Variants in KSR2 observed in about 807,000 individuals in gnomAD.
The protein encoded by KSR2 is kinase suppressor of ras 2.
A neutral mutation model predicts 107.8 loss-of-function variants in KSR2; 25 were observed. That is an observed-to-expected ratio of 0.23 (90% CI 0.17 to 0.32). The LOEUF is 0.32. Among genes scored for constraint, KSR2 ranks in the 10% least tolerant of loss-of-function variants. The pLI is 1.00. For missense variants in KSR2, 887 were observed against 1,268.9 expected (o/e 0.70, Z 4.57); for synonymous variants, 480 against 507.0 (o/e 0.95, Z 0.71).
At chr12:117,721,613 C>T (rs867381289) in intron 4 of KSR2, among the ~76,000 whole-genome samples, 9 of 152,184 alleles carry the variant, frequency 5.9e-5, no homozygotes, top group African/African-American at 1.7e-4. Context: ...CACTTCCCAA[C>T]GACCACTGCT....
intron 3 of KSR2, among the ~76,000 whole-genome samples, chr12:117,822,411 C>T (rs1413418085): frequency 6.6e-6 from 1 of 152,096 alleles, no homozygotes; most frequent in Admixed American, 6.6e-5. Context: ...AATAAACACA[C>T]AAATAAATGC....
In KSR2 at chr12:117,582,334, G is replaced by T. The variant is rs566868219; in HGVS notation, c.1197C>A (p.Ser399=). The T allele has an allele frequency of 6.8e-6, 11 of 1,613,802 alleles. No individual in the cohort carries two copies. In the African/African-American group the frequency reaches 1.1e-4, roughly 16 times the overall value. Residue 399 remains serine (S), a synonymous_variant, in exon 6 of 20, where the codon TCC becomes TCA. Transcript: ENST00000339824. The part of the protein sequence containing the change: ...SANTLSVPRW[S]PQIPRRDLGN... ...CGAGATCTCTGCGAGGGATCTGCGG[G>T]GACCAGCGTGGCACTGACAGTGTGT... is the stretch of plus-strand genomic sequence containing the variant.
In KSR2 at chr12:117,828,859, G is replaced by A. The variant is rs1217407269; in HGVS notation, c.472+26569C>T. ...CATCTGTGTCCCACTGTGAAAACAA[G>A]AACCATGCCTTGGAGAAGTCTAGTG... On this transcript the variant is annotated intron_variant, in intron 3 of 19. Transcript: ENST00000339824. Among the ~76,000 whole-genome samples, 3 of 152,174 alleles carry A rather than the reference G, an allele frequency of 2.0e-5. No homozygotes were observed. The East Asian group carries it at 5.8e-4, about 29-fold the overall frequency.
At chr12:117,506,097 T>C (rs1873660883) in intron 14 of KSR2, among the ~76,000 whole-genome samples, 1 of 152,202 alleles carries the variant, frequency 6.6e-6, no homozygotes, top group Non-Finnish European at 1.5e-5. Context: ...AATGAATGGA[T>C]ACACAAATTA....
chr12:117,588,601 A>C (rs1233682346), intron 5 of KSR2, among the ~76,000 whole-genome samples: 1 of 152,238 alleles, frequency 6.6e-6, no homozygotes, highest in Non-Finnish European at 1.5e-5. Context: ...TTTTCCGATT[A>C]ATGAGAAACT....
chr12:117,507,955 C>T (rs1004152029), intron 14 of KSR2, among the ~76,000 whole-genome samples: 1 of 152,124 alleles, frequency 6.6e-6, no homozygotes, highest in Non-Finnish European at 1.5e-5. Context: ...CATTTATCAT[C>T]ACCTCCCAGG....
At chr12:117,949,782 T>C (rs1022642472) in intron 1 of KSR2, among the ~76,000 whole-genome samples, 28 of 152,216 alleles carry the variant, frequency 1.8e-4, no homozygotes, top group Admixed American at 5.2e-4. Context: ...TACATGATGG[T>C]AAATGTTCTA....
intron 4 of KSR2, among the ~76,000 whole-genome samples, chr12:117,733,851 G>C (rs574740611): frequency 6.6e-6 from 1 of 152,282 alleles, no homozygotes; most frequent in African/African-American, 2.4e-5. Context: ...TACAGACCCT[G>C]AACCCCTCAT....
chr12:117,734,438 T>C (rs542443534), intron 4 of KSR2, among the ~76,000 whole-genome samples: 1 of 152,130 alleles, frequency 6.6e-6, no homozygotes, highest in African/African-American at 2.4e-5. Context: ...CTAGACCAAA[T>C]GCAAGGGAGA....
intron 7 of KSR2, among the ~76,000 whole-genome samples, chr12:117,568,859 C>T (rs1357315656): frequency 1.3e-5 from 2 of 152,128 alleles, no homozygotes; most frequent in African/African-American, 4.8e-5. Context: ...GGATGATTAA[C>T]TCCCATTATA....
chr12:117,720,466 C>T (rs954240587), intron 4 of KSR2, among the ~76,000 whole-genome samples: 13 of 152,164 alleles, frequency 8.5e-5, no homozygotes, highest in Admixed American at 6.6e-5. Flanking sequence ...CCTAATTTGG[C>T]CCCATGCCTA....
intron 4 of KSR2, among the ~76,000 whole-genome samples, chr12:117,710,029 G>A (rs372983844): frequency 1.3e-5 from 2 of 152,192 alleles, no homozygotes; most frequent in Non-Finnish European, 2.9e-5. Context: ...CCCAGCTCTC[G>A]AGGAGATGGA....
intron 5 of KSR2, among the ~76,000 whole-genome samples, chr12:117,615,298 A>C (rs931044491): frequency 6.6e-6 from 1 of 151,894 alleles, no homozygotes; most frequent in African/African-American, 2.4e-5. Flanking sequence ...TAGTGCTTTA[A>C]AGATGTTGGG....
At position 117,579,103 on chromosome 12, in the gene KSR2, G is replaced by A. The variant is rs770131255; in HGVS notation, c.1325+16C>T. 6.2e-7 allele frequency: 1 copy of A among 1,602,310 alleles called. No homozygotes were observed. The highest frequency in any genetic ancestry group is 1.1e-5 in the South Asian group (1 of 89,762). On this transcript the variant is annotated intron_variant, in intron 7 of 19. Transcript: ENST00000339824. Reference sequence around the variant, plus strand: ...TCGGGTGCTGCGAAAAGTCACTGCAGGGCACAGTCACTTACTTGCAGTTTT... The same window carrying A: ...TCGGGTGCTGCGAAAAGTCACTGCAAGGCACAGTCACTTACTTGCAGTTTT...
intron 14 of KSR2, among the ~76,000 whole-genome samples, chr12:117,499,209 T>A (rs1873220114): frequency 6.6e-6 from 1 of 152,242 alleles, no homozygotes; most frequent in Non-Finnish European, 1.5e-5. Flanking sequence ...AATTACTGTT[T>A]TAAAAACTGT....
At chr12:117,739,333 C>T (rs2135017) in intron 4 of KSR2, among the ~76,000 whole-genome samples, 18 of 152,122 alleles carry the variant, frequency 1.2e-4, no homozygotes, top group Non-Finnish European at 1.3e-4. Context: ...CCAGCCTGGG[C>T]GACAGAGCAA....
intron 14 of KSR2, among the ~76,000 whole-genome samples, chr12:117,507,534 G>A (rs1459789119): frequency 6.6e-6 from 1 of 152,142 alleles, no homozygotes; most frequent in Non-Finnish European, 1.5e-5. Flanking sequence ...GTACTCCTTA[G>A]AGACCATTTT....
chr12:117,818,267 C>T (rs7979661), intron 3 of KSR2, among the ~76,000 whole-genome samples: 91,335 of 151,842 alleles, frequency 0.6, 29,463 homozygotes, highest in African/African-American at 0.83. Context: ...CACTGATCAC[C>T]GATCCTTAAT....
intron 5 of KSR2, among the ~76,000 whole-genome samples, chr12:117,655,000 G>A (rs1057127204): frequency 2.0e-5 from 3 of 152,216 alleles, no homozygotes; most frequent in East Asian, 1.9e-4. Flanking sequence ...ACTGCTGAGT[G>A]CCCAATTTGC....
Sources: gnomAD v4.1 joint callset for allele counts (sites outside exome capture counted in the v4.1 genomes callset) on GRCh38, gnomAD v4.1.1 for gene constraint, MANE v1.5 for transcripts, NCBI Gene and HGNC (gene_info 2026-07-23, HGNC 2026-07-21) for gene names.